NRG3: variants seen among roughly 807,000 people sequenced by gnomAD.
The protein encoded by NRG3 is pro-neuregulin-3, membrane-bound isoform.
Under a neutral mutation model 66.9 loss-of-function variants are expected in NRG3, and 31 were observed. The ratio of observed to expected loss-of-function variants is 0.46; its 90% CI spans 0.35 to 0.63. The LOEUF (loss-of-function observed/expected upper bound fraction) is 0.63, where lower values mean the gene tolerates loss of function less well. NRG3 is among the 20% of genes least tolerant of loss of function. The pLI is 0.00. For missense variants in NRG3, 910 were observed against 878.9 expected, an observed-to-expected ratio of 1.04 and a Z score of -0.45; for synonymous variants, 393 against 359.4, an observed-to-expected ratio of 1.09 and a Z score of -1.06.
intron 2 of NRG3, among the ~76,000 whole-genome samples, chr10:82,678,588 C>T (rs1007179780): frequency 4.6e-5 from 7 of 152,148 alleles, no homozygotes; most frequent in Non-Finnish European, 8.8e-5. Flanking sequence ...AGGCCTGACA[C>T]CTGGCACTGG....
At chr10:82,424,312 T>G (rs1225506849) in intron 2 of NRG3, among the ~76,000 whole-genome samples, 1 of 152,032 alleles carries the variant, frequency 6.6e-6, no homozygotes, top group Non-Finnish European at 1.5e-5. Context: ...TCCACAGTTA[T>G]TATTGTCTGC....
chr10:82,266,638 C>T lies in NRG3; in HGVS notation c.824-92101C>T, dbSNP rs530306709. ...TCCAGGATGTGGTACTGTTTTGACA[C>T]GGTCCAAGCTGGATGATGTAAGCAG... On this transcript the variant is annotated intron_variant, in intron 1 of 8. Coordinates refer to ENST00000372141, the MANE Select transcript of NRG3 (RefSeq NM_001010848.4). Among the ~76,000 whole-genome samples, 24 of 152,214 alleles carry T rather than the reference C, an allele frequency of 1.6e-4. No homozygotes were observed. In the East Asian group the frequency reaches 2.3e-3, roughly 15 times the overall value.
intron 3 of NRG3, among the ~76,000 whole-genome samples, chr10:82,832,634 A>G (rs1447340799): frequency 2.0e-5 from 3 of 152,202 alleles, no homozygotes; most frequent in Non-Finnish European, 1.5e-5. Context: ...AACTCTTTCA[A>G]AAGTGTGCGA....
chr10:82,421,050 CTGTT>C (rs2089027866), intron 2 of NRG3, among the ~76,000 whole-genome samples: 1 of 152,078 alleles, frequency 6.6e-6, no homozygotes, highest in Admixed American at 6.6e-5. Flanking sequence ...TCATCAGTAT[CTGTT>C]TGTGCTGGTG....
At chr10:82,761,907 CTTCTTTCTTTCTTTCTCT>C (rs1426866227) in intron 3 of NRG3, among the ~76,000 whole-genome samples, 10 of 131,632 alleles carry the variant, frequency 7.6e-5, no homozygotes, top group South Asian at 4.9e-4. Flanking sequence ...TCCGTTCTTT[CTTCTTTCTTTCTTTCTCT>C]TTCTTTCTTT....
intron 1 of NRG3, among the ~76,000 whole-genome samples, chr10:82,222,739 C>A (rs2076000122): frequency 1.3e-5 from 2 of 152,048 alleles, no homozygotes; most frequent in Admixed American, 6.6e-5. Flanking sequence ...TTTCTTTGTT[C>A]TTTTCTTCTG....
At chr10:82,349,770 T>C (rs984244709) in intron 1 of NRG3, among the ~76,000 whole-genome samples, 41 of 152,284 alleles carry the variant, frequency 2.7e-4, no homozygotes, top group East Asian at 1.7e-3. Context: ...TCTCTTGGTG[T>C]GCCGTTTTTT....
At chr10:82,885,989 A>G (rs893452650) in intron 4 of NRG3, among the ~76,000 whole-genome samples, 2 of 151,962 alleles carry the variant, frequency 1.3e-5, no homozygotes, top group Non-Finnish European at 2.9e-5. Context: ...ATCCTGCCTT[A>G]GCCTCCCGAG....
intron 4 of NRG3, among the ~76,000 whole-genome samples, chr10:82,926,339 G>C (rs1447487674): frequency 6.6e-6 from 1 of 152,190 alleles, no homozygotes; most frequent in Non-Finnish European, 1.5e-5. Context: ...GGTATCTACA[G>C]GGGATCCTGG....
chr10:81,959,721 G>A (rs1255540922), intron 1 of NRG3, among the ~76,000 whole-genome samples: 2 of 151,886 alleles, frequency 1.3e-5, no homozygotes, highest in Non-Finnish European at 2.9e-5. Context: ...ATGCATTCTA[G>A]GTTGTGTCTT....
intron 2 of NRG3, among the ~76,000 whole-genome samples, chr10:82,478,852 T>C (rs1842002478): frequency 6.6e-6 from 1 of 152,240 alleles, no homozygotes; most frequent in Admixed American, 6.5e-5. Flanking sequence ...TATTCTTCTA[T>C]TTAGGAAATA....
At chr10:82,166,183 C>T (rs867798128) in intron 1 of NRG3, among the ~76,000 whole-genome samples, 14 of 151,946 alleles carry the variant, frequency 9.2e-5, no homozygotes, top group South Asian at 2.1e-4. Context: ...CCACCACGCC[C>T]GGCTAATTTT....
chr10:82,920,301 G>T lies in NRG3; in HGVS notation c.1055-31168G>T, dbSNP rs770072029. 3.9e-5 allele frequency among the ~76,000 whole-genome samples: 6 copies of T among 152,260 alleles called. No homozygotes were observed. The East Asian group carries it at 5.8e-4, about 15-fold the overall frequency. Reference sequence around the variant, plus strand: ...GTATAATTGAATGTTTTAAGAAACTGATGGTAGTTGGTGGAAGCCAGATTT... The same window carrying T: ...GTATAATTGAATGTTTTAAGAAACTTATGGTAGTTGGTGGAAGCCAGATTT... On this transcript the variant is annotated intron_variant, in intron 4 of 8. Coordinates refer to ENST00000372141, the MANE Select transcript of NRG3 (RefSeq NM_001010848.4).
intron 4 of NRG3, among the ~76,000 whole-genome samples, chr10:82,910,647 G>A (rs78725701): frequency 2.6e-5 from 4 of 152,242 alleles, no homozygotes; most frequent in East Asian, 1.9e-4. Flanking sequence ...CTTAACAACC[G>A]TTCTGTTCAT....
intron 2 of NRG3, among the ~76,000 whole-genome samples, chr10:82,410,582 T>C (rs568894567): frequency 2.5e-3 from 381 of 151,394 alleles, no homozygotes; most frequent in African/African-American, 8.8e-3. Context: ...ATAATAGGTA[T>C]GGGATTTGGG....
intron 1 of NRG3, among the ~76,000 whole-genome samples, chr10:82,050,248 A>T (rs1202866282): frequency 3.9e-5 from 6 of 152,052 alleles, no homozygotes; most frequent in Non-Finnish European, 7.4e-5. Flanking sequence ...ACTGTCAGAA[A>T]TTATTCTGTT....
At chr10:82,440,590 T>A (rs1049123194) in intron 2 of NRG3, among the ~76,000 whole-genome samples, 1 of 152,126 alleles carries the variant, frequency 6.6e-6, no homozygotes, top group Non-Finnish European at 1.5e-5. Context: ...ATCTGTAACA[T>A]TGCTTAAACA....
At chr10:82,420,666 A>AT (rs1345843964) in intron 2 of NRG3, among the ~76,000 whole-genome samples, 2 of 152,132 alleles carry the variant, frequency 1.3e-5, no homozygotes, top group Non-Finnish European at 2.9e-5. Context: ...ATCATCCCAC[A>AT]TCCAGGAAAT....
chr10:81,964,901 T>C (rs913825061), intron 1 of NRG3, among the ~76,000 whole-genome samples: 1 of 152,236 alleles, frequency 6.6e-6, no homozygotes, highest in African/African-American at 2.4e-5. Flanking sequence ...GTTTTGTTCA[T>C]TTTATTATGG....
Sources: allele counts gnomAD v4.1 joint callset (sites outside exome capture counted in the v4.1 genomes callset), GRCh38; gene constraint gnomAD v4.1.1; transcripts MANE v1.5; gene names NCBI Gene and HGNC (gene_info 2026-07-23, HGNC 2026-07-21).